The following FER1L6 variants were observed in gnomAD, a reference collection of about 807,000 sequenced individuals.
FER1L6 encodes fer-1-like protein 6.
FER1L6 carries 177 observed loss-of-function variants against 219.2 expected under a neutral mutation model. The ratio of observed to expected loss-of-function variants is 0.81; its 90% CI spans 0.71 to 0.91. FER1L6 has a LOEUF of 0.91. Ranked by LOEUF, FER1L6 falls within the 40% of genes least tolerant of loss-of-function variation. The pLI is 0.00. For missense variants in FER1L6, 2,153 were observed against 2,259.9 expected (o/e 0.95, Z 0.96); for synonymous variants, 768 against 824.3 (o/e 0.93, Z 1.17).
At chr8:123,897,809 T>C (rs1429968527) in intron 1 of FER1L6, among the ~76,000 whole-genome samples, 1 of 152,210 alleles carries the variant, frequency 6.6e-6, no homozygotes, top group African/African-American at 2.4e-5. Flanking sequence ...TGTGTTCTAT[T>C]GACAGTAAAG....
intron 1 of FER1L6, among the ~76,000 whole-genome samples, chr8:123,919,595 G>A (rs1022698430): frequency 2.6e-5 from 4 of 152,208 alleles, no homozygotes; most frequent in African/African-American, 7.2e-5. Flanking sequence ...CTTGGGCAGC[G>A]TTGGCCATAT....
chr8:123,899,877 T>G (rs1248174231), intron 1 of FER1L6, among the ~76,000 whole-genome samples: 1 of 152,012 alleles, frequency 6.6e-6, no homozygotes, highest in Non-Finnish European at 1.5e-5. Context: ...ATACCAGTAC[T>G]ATGCTGTTTG....
intron 1 of FER1L6, among the ~76,000 whole-genome samples, chr8:123,944,594 T>G (rs1315929122): frequency 6.6e-6 from 1 of 152,136 alleles, no homozygotes; most frequent in African/African-American, 2.4e-5. Flanking sequence ...GTACACACAC[T>G]CTCAATCCTT....
At chr8:123,901,725 T>A (rs1812861635) in intron 1 of FER1L6, among the ~76,000 whole-genome samples, 1 of 151,866 alleles carries the variant, frequency 6.6e-6, no homozygotes, top group East Asian at 1.9e-4. Flanking sequence ...TTGAAGAATT[T>A]TTTTTTTTTT....
chr8:123,923,183 A>G (rs1286165274), intron 1 of FER1L6, among the ~76,000 whole-genome samples: 1 of 152,236 alleles, frequency 6.6e-6, no homozygotes, highest in African/African-American at 2.4e-5. Context: ...AGGTGGAGAG[A>G]AAATGTCTGA....
chr8:124,096,018 G>A (rs1822268610), intron 35 of FER1L6, among the ~76,000 whole-genome samples: 2 of 152,198 alleles, frequency 1.3e-5, no homozygotes, highest in Admixed American at 1.3e-4. Context: ...TGTGTGAGGG[G>A]AAAATCATGT....
chr8:123,930,185 G>C (rs1421355911), intron 1 of FER1L6, among the ~76,000 whole-genome samples: 3 of 152,092 alleles, frequency 2.0e-5, no homozygotes, highest in African/African-American at 7.2e-5. Flanking sequence ...TGTACTCATG[G>C]ATGTGTGTGG....
At chr8:124,057,508 T>C (rs914120175) in intron 22 of FER1L6, among the ~76,000 whole-genome samples, 7 of 152,206 alleles carry the variant, frequency 4.6e-5, no homozygotes, top group African/African-American at 1.7e-4. Flanking sequence ...TGTTTTAAAT[T>C]AGTTTTGGAA....
chr8:124,040,133 A>C, intron 20 of FER1L6, 127 bp downstream of exon 20: 1 of 1,263,266 alleles, frequency 7.9e-7, no homozygotes. Context: ...TAGATGTTTC[A>C]GACTGAAAAG....
chr8:124,071,159 C>T lies in FER1L6; in HGVS notation c.3967-347C>T, dbSNP rs147266795. On this transcript the variant is annotated intron_variant, in intron 30 of 40. Transcript: ENST00000522917. ...CACTTCCCTAAGCCTCAGTTGCTGTCTGGAAATAGGAATACTGCAGTCAGG... is the reference window on the plus strand; with the variant it reads ...CACTTCCCTAAGCCTCAGTTGCTGTTTGGAAATAGGAATACTGCAGTCAGG... Among the ~76,000 whole-genome samples the T allele has an allele frequency of 3.9e-3, 588 of 152,292 alleles. 3 individuals carry two copies. The highest frequency in any genetic ancestry group is 5.7e-3 in the African/African-American group (235 of 41,554).
chr8:123,893,011 GT>G (rs138124719), intron 1 of FER1L6, among the ~76,000 whole-genome samples: 4,212 of 152,124 alleles, frequency 0.028, 192 homozygotes, highest in African/African-American at 0.096. Context: ...ATTCTGATAT[GT>G]TTTAATACAT....
intron 34 of FER1L6, among the ~76,000 whole-genome samples, chr8:124,092,596 GAATTCTCA>G (rs1822082701): frequency 6.6e-6 from 1 of 152,160 alleles, no homozygotes; most frequent in Non-Finnish European, 1.5e-5. Context: ...TTATACAGAA[GAATTCTCA>G]TACTGTCACA....
intron 18 of FER1L6, 74 bp from the exon 19 acceptor site, chr8:124,035,203 C>A (rs575095313): frequency 1.3e-6 from 2 of 1,485,064 alleles, no homozygotes; most frequent in South Asian, 1.3e-5. Flanking sequence ...CCAGGAAGGA[C>A]CTCTTTTCTC....
chr8:124,091,277 C>T, intron 33 of FER1L6, 146 bp from the exon 34 acceptor site: 2 of 548,350 alleles, frequency 3.6e-6, no homozygotes. Flanking sequence ...TTCAGGCAAG[C>T]TGTGTTTGGC....
At chr8:124,026,710 A>AC (rs1818721234) in intron 18 of FER1L6, among the ~76,000 whole-genome samples, 1 of 151,136 alleles carries the variant, frequency 6.6e-6, no homozygotes, top group Non-Finnish European at 1.5e-5. Context: ...TATAGATGTG[A>AC]TTTTTTTTTT....
chr8:123,877,899 T>C (rs1036108237), intron 1 of FER1L6, among the ~76,000 whole-genome samples: 1 of 152,084 alleles, frequency 6.6e-6, no homozygotes, highest in African/African-American at 2.4e-5. Flanking sequence ...GGTTCTTTAC[T>C]GAAGTCGATT....
chr8:123,949,840 C>T (rs1325349151), intron 1 of FER1L6, among the ~76,000 whole-genome samples: 2 of 152,126 alleles, frequency 1.3e-5, no homozygotes, highest in Non-Finnish European at 2.9e-5. Context: ...TCTAATAATT[C>T]CACCAAAAGA....
chr8:124,017,524 A>T, intron 15 of FER1L6, 104 bp from the exon 16 acceptor site: 1 of 838,166 alleles, frequency 1.2e-6, no homozygotes. Flanking sequence ...TTATGGCTTC[A>T]AAAGCTTTCC....
At chr8:123,957,658 C>T (rs1815081680) in intron 2 of FER1L6, among the ~76,000 whole-genome samples, 1 of 152,150 alleles carries the variant, frequency 6.6e-6, no homozygotes, top group South Asian at 2.1e-4. Context: ...CCAGGTGAGT[C>T]TTACATCAGA....
Sources: allele counts gnomAD v4.1 joint callset (sites outside exome capture counted in the v4.1 genomes callset), GRCh38; gene constraint gnomAD v4.1.1; transcripts MANE v1.5; gene names NCBI Gene and HGNC (gene_info 2026-07-23, HGNC 2026-07-21).